The following MAML2 variants were observed in gnomAD, a reference collection of about 807,000 sequenced individuals.
MAML2 encodes mastermind like transcriptional coactivator 2.
In MAML2, 22 loss-of-function variants were observed where a neutral mutation model predicts 96.1. That is an observed-to-expected ratio of 0.23 (90% CI 0.16 to 0.33). The LOEUF (loss-of-function observed/expected upper bound fraction) is 0.33. Among genes scored for constraint, MAML2 ranks in the 10% least tolerant of loss-of-function variants. MAML2 has a pLI of 1.00. For synonymous variants in MAML2, 561 were observed against 521.3 expected (o/e 1.08, Z -1.04); for missense variants, 1,367 against 1,392.4 (o/e 0.98, Z 0.29).
intron 3 of MAML2, among the ~76,000 whole-genome samples, chr11:95,987,223 T>C (rs917605366): frequency 1.3e-5 from 2 of 152,156 alleles, no homozygotes; most frequent in African/African-American, 2.4e-5. Context: ...GTGACCTTGT[T>C]TGTGTCTGTT....
chr11:96,073,384 T>G (rs1488218170), intron 2 of MAML2, among the ~76,000 whole-genome samples: 1 of 150,896 alleles, frequency 6.6e-6, no homozygotes, highest in Non-Finnish European at 1.5e-5. Context: ...GCAGTGGTGC[T>G]ATCTCAGCTC....
chr11:96,262,592 C>T (rs917505587), intron 1 of MAML2, among the ~76,000 whole-genome samples: 4 of 152,032 alleles, frequency 2.6e-5, no homozygotes, highest in East Asian at 1.9e-4. Flanking sequence ...CTCAGCCTCC[C>T]GAGTAGCTGG....
intron 2 of MAML2, among the ~76,000 whole-genome samples, chr11:96,066,081 C>T (rs1434448602): frequency 6.6e-6 from 1 of 152,192 alleles, no homozygotes; most frequent in Non-Finnish European, 1.5e-5. Context: ...CCTCTTATGG[C>T]TCTGGAGCTC....
At chr11:96,176,005 C>T (rs12277989) in intron 1 of MAML2, among the ~76,000 whole-genome samples, 16,736 of 152,142 alleles carry the variant, frequency 0.11, 1,062 homozygotes, top group African/African-American at 0.16. Context: ...AAAAAGACTC[C>T]TCAATGTGTA....
At chr11:96,259,120 T>C (rs1862711496) in intron 1 of MAML2, among the ~76,000 whole-genome samples, 1 of 152,248 alleles carries the variant, frequency 6.6e-6, no homozygotes, top group Non-Finnish European at 1.5e-5. Flanking sequence ...AAGTTCCTTC[T>C]TTAGGTAACT....
At chr11:96,277,798 T>C (rs1863010790) in intron 1 of MAML2, among the ~76,000 whole-genome samples, 1 of 151,748 alleles carries the variant, frequency 6.6e-6, no homozygotes, top group Non-Finnish European at 1.5e-5. Flanking sequence ...AAAGATATCT[T>C]AGAAGAATTA....
chr11:96,205,848 C>T (rs554164908), intron 1 of MAML2, among the ~76,000 whole-genome samples: 15 of 152,304 alleles, frequency 9.8e-5, no homozygotes, highest in African/African-American at 3.6e-4. Flanking sequence ...GAAAGATTCC[C>T]GTCTGGCTTA....
chr11:96,264,989 A>G (rs1323744798), intron 1 of MAML2, among the ~76,000 whole-genome samples: 1 of 152,252 alleles, frequency 6.6e-6, no homozygotes, highest in African/African-American at 2.4e-5. Context: ...GCAGACGGTC[A>G]GGAATTACCA....
Position 96,298,595 on chromosome 11 carries a change from G to A in MAML2, c.513+42788C>T, listed in dbSNP as rs142684234. 6.1e-4 allele frequency among the ~76,000 whole-genome samples: 93 copies of A among 152,080 alleles called. 1 individual carries two copies. The highest frequency in any genetic ancestry group is 2.1e-3 in the African/African-American group (89 of 41,476). On this transcript the variant is annotated intron_variant, in intron 1 of 4. Transcript: ENST00000524717. Reference sequence around the variant, plus strand: ...AGAAGATAACCAAGCAAACAAAGAGGTAATGAGTTCTGCTCTGCGTTAGGC... The same window carrying A: ...AGAAGATAACCAAGCAAACAAAGAGATAATGAGTTCTGCTCTGCGTTAGGC...
At chr11:96,175,644 G>T (rs1398751557) in intron 1 of MAML2, among the ~76,000 whole-genome samples, 1 of 152,094 alleles carries the variant, frequency 6.6e-6, no homozygotes, top group Non-Finnish European at 1.5e-5. Flanking sequence ...AGGATGGAGT[G>T]CAGTGGCGTG....
At chr11:96,085,170 G>A (rs80052678) in intron 2 of MAML2, among the ~76,000 whole-genome samples, 935 of 43,230 alleles carry the variant, frequency 0.022, 20 homozygotes, top group East Asian at 0.094. Context: ...CTATGCGTAT[G>A]TGTGTGTGTG....
intron 2 of MAML2, among the ~76,000 whole-genome samples, chr11:96,040,675 G>A (rs1286694551): frequency 6.6e-6 from 1 of 152,190 alleles, no homozygotes; most frequent in Admixed American, 6.5e-5. Flanking sequence ...GCTGAGGTAC[G>A]AGAATTGCTT....
intron 2 of MAML2, among the ~76,000 whole-genome samples, chr11:95,992,769 G>A (rs1292774178): frequency 6.6e-6 from 1 of 152,140 alleles, no homozygotes; most frequent in Non-Finnish European, 1.5e-5. Flanking sequence ...CTTGTCCCAG[G>A]GATTCTGAGG....
chr11:96,140,548 A>G (rs1860714041), intron 1 of MAML2, among the ~76,000 whole-genome samples: 1 of 152,128 alleles, frequency 6.6e-6, no homozygotes, highest in Non-Finnish European at 1.5e-5. Flanking sequence ...TACTCTCTAA[A>G]TTTTGCTGAC....
chr11:96,168,518 T>C (rs1324343467), intron 1 of MAML2, among the ~76,000 whole-genome samples: 1 of 152,202 alleles, frequency 6.6e-6, no homozygotes, highest in Non-Finnish European at 1.5e-5. Context: ...TAAATTTTCA[T>C]ATTTCTGCTC....
At chr11:96,217,742 A>C (rs1862071818) in intron 1 of MAML2, among the ~76,000 whole-genome samples, 1 of 152,198 alleles carries the variant, frequency 6.6e-6, no homozygotes, top group Admixed American at 6.5e-5. Flanking sequence ...CTTCGTTCAG[A>C]TATGTTATTA....
intron 2 of MAML2, among the ~76,000 whole-genome samples, chr11:96,088,471 TTAAG>T (rs1253804551): frequency 6.6e-6 from 1 of 152,200 alleles, no homozygotes; most frequent in Non-Finnish European, 1.5e-5. Flanking sequence ...CTTTCACAAC[TTAAG>T]TAAGTGCTCA....
intron 1 of MAML2, among the ~76,000 whole-genome samples, chr11:96,235,729 C>T (rs756745792): frequency 2.4e-4 from 36 of 152,134 alleles, no homozygotes; most frequent in Non-Finnish European, 4.3e-4. Context: ...TTAAAAAAGG[C>T]ATCTTTCTTT....
At chr11:96,049,901 T>C (rs964697528) in intron 2 of MAML2, among the ~76,000 whole-genome samples, 2 of 152,200 alleles carry the variant, frequency 1.3e-5, no homozygotes, top group Non-Finnish European at 2.9e-5. Flanking sequence ...AAGATGTTTA[T>C]TATCATTAAT....
Sources: allele counts gnomAD v4.1 joint callset (sites outside exome capture counted in the v4.1 genomes callset), GRCh38; gene constraint gnomAD v4.1.1; transcripts MANE v1.5; gene names NCBI Gene and HGNC (gene_info 2026-07-23, HGNC 2026-07-21).